Variants in RAP1B observed in about 807,000 individuals in gnomAD.
RAP1B encodes RAP1B, member of RAS oncogene family, also known as ras-related protein Rap-1b.
A neutral mutation model predicts 27.5 loss-of-function variants in RAP1B; 1 was observed. That is an observed-to-expected ratio of 0.04 (90% confidence interval 0.01 to 0.17). The LOEUF is 0.17. Among genes scored for constraint, RAP1B ranks in the 10% least tolerant of loss-of-function variants. RAP1B has a pLI of 1.00. For synonymous variants in RAP1B, 75 were observed against 73.1 expected, an observed-to-expected ratio of 1.03 and a Z score of -0.13; for missense variants, 84 against 214.8, an observed-to-expected ratio of 0.39 and a Z score of 3.81.
At position 68,634,584 on chromosome 12, in the gene RAP1B, TA is replaced by T. The variant is rs200391736; in HGVS notation, c.-26-14114del. 1.2e-3 allele frequency among the ~76,000 whole-genome samples: 176 copies of T among 147,898 alleles called. 1 individual carries two copies. The highest frequency in any genetic ancestry group is 3.8e-3 in the African/African-American group (152 of 39,980). On this transcript the variant is annotated intron_variant, in intron 1 of 7. Coordinates refer to ENST00000250559, the MANE Select transcript of RAP1B (RefSeq NM_001010942.3). ...TAAGGTGATCTTGAGCCTATATTAT[TA>T]TTTTTTTTTTTACCTGTTTTTGAAT...
rs1872288247 is a variant in RAP1B at position 68,632,129 on chromosome 12, G to GTTTTTTTTTGT, written c.-26-16561_-26-16560insGTTTTTTTTTT. Among the ~76,000 whole-genome samples, 86 of 104,364 alleles carry GTTTTTTTTTGT rather than the reference G, an allele frequency of 8.2e-4. 1 individual carries two copies. Among genetic ancestry groups the GTTTTTTTTTGT allele is most frequent in the African/African-American group, 3.6e-3 (84 of 23,318 alleles). The allele number at this position is 104,364 out of a possible 152,430, so 68.5% of individuals were successfully genotyped here. A position where few individuals can be genotyped will look rare whatever the true frequency, so the allele number is the denominator to read the frequency against. ...AAACAGTTTTTTGGGTTTTGGATTT[G>GTTTTTTTTTGT]TTTTTTTTTTTTTTTTGTTTGTTTT... is the stretch of plus-strand genomic sequence containing the variant. On this transcript the variant is annotated intron_variant, in intron 1 of 7. Coordinates refer to ENST00000250559, the MANE Select transcript of RAP1B (RefSeq NM_001010942.3).
At chr12:68,647,807 T>C (rs373772597) in intron 1 of RAP1B, among the ~76,000 whole-genome samples, 37 of 152,288 alleles carry the variant, frequency 2.4e-4, no homozygotes, top group African/African-American at 8.7e-4. Context: ...CCCTCATTAG[T>C]TGGTTAGTTT....
At chr12:68,622,550 C>T (rs1486642605) in intron 1 of RAP1B, among the ~76,000 whole-genome samples, 1 of 152,220 alleles carries the variant, frequency 6.6e-6, no homozygotes, top group African/African-American at 2.4e-5. Flanking sequence ...GCCTCAGTCT[C>T]AACAGTGGAT....
chr12:68,633,339 TTAAG>T (rs1872400602), intron 1 of RAP1B, among the ~76,000 whole-genome samples: 1 of 152,176 alleles, frequency 6.6e-6, no homozygotes, highest in Non-Finnish European at 1.5e-5. Context: ...CTGGTCTGGT[TTAAG>T]TATCCACTTA....
At chr12:68,646,241 T>C (rs1049119088) in intron 1 of RAP1B, among the ~76,000 whole-genome samples, 2 of 152,184 alleles carry the variant, frequency 1.3e-5, no homozygotes, top group Non-Finnish European at 2.9e-5. Flanking sequence ...AGTTGTGTTA[T>C]GTTTGGAGGT....
intron 1 of RAP1B, among the ~76,000 whole-genome samples, chr12:68,647,238 G>A (rs1420584047): frequency 6.6e-6 from 1 of 151,912 alleles, no homozygotes; most frequent in Non-Finnish European, 1.5e-5. Flanking sequence ...TTTTTTTGTA[G>A]AAACAGGGTT....
At chr12:68,637,599 CAAAAAAAAAAAAAA>C (rs58656248) in intron 1 of RAP1B, among the ~76,000 whole-genome samples, 70 of 34,258 alleles carry the variant, frequency 2.0e-3, no homozygotes, top group Non-Finnish European at 2.6e-3. Context: ...AACTCCATCT[CAAAAAAAAAAAAAA>C]AAAAAAAAAA....
At chr12:68,641,568 G>A (rs191463059) in intron 1 of RAP1B, among the ~76,000 whole-genome samples, 4 of 152,174 alleles carry the variant, frequency 2.6e-5, no homozygotes, top group African/African-American at 9.7e-5. Context: ...TATTTTGCAA[G>A]AAGTAAATAG....
At chr12:68,617,072 T>C (rs1256895083) in intron 1 of RAP1B, among the ~76,000 whole-genome samples, 1 of 152,196 alleles carries the variant, frequency 6.6e-6, no homozygotes, top group Admixed American at 6.5e-5. Flanking sequence ...ATTATAATTA[T>C]CTGTGTATTC....
At chr12:68,631,044 C>A (rs999923219) in intron 1 of RAP1B, among the ~76,000 whole-genome samples, 1 of 151,976 alleles carries the variant, frequency 6.6e-6, no homozygotes, top group African/African-American at 2.4e-5. Context: ...TAGGCAAATA[C>A]CCTAAGTGCT....
chr12:68,618,147 G>C (rs1871153270), intron 1 of RAP1B, among the ~76,000 whole-genome samples: 1 of 133,508 alleles, frequency 7.5e-6, no homozygotes, highest in African/African-American at 2.8e-5. Context: ...GAATGCAGTG[G>C]CACAATCTTC....
intron 1 of RAP1B, among the ~76,000 whole-genome samples, chr12:68,642,310 T>C (rs1322768929): frequency 6.6e-6 from 1 of 152,186 alleles, no homozygotes; most frequent in South Asian, 2.1e-4. Flanking sequence ...TTGTCACTTA[T>C]ACTGGAAATT....
At chr12:68,650,895 C>G (rs1384961079) in intron 3 of RAP1B, 1 of 152,428 alleles carries the variant, frequency 6.6e-6, no homozygotes, top group Non-Finnish European at 1.5e-5. Flanking sequence ...TCTGAAATAA[C>G]TGGGACCAGA....
chr12:68,625,025 T>G (rs565371066), intron 1 of RAP1B, among the ~76,000 whole-genome samples: 2 of 152,240 alleles, frequency 1.3e-5, no homozygotes, highest in Non-Finnish European at 2.9e-5. Context: ...ATTTGTTTGG[T>G]GTATATACTA....
chr12:68,635,886 AT>A (rs34324047), intron 1 of RAP1B, among the ~76,000 whole-genome samples: 2 of 60,520 alleles, frequency 3.3e-5, no homozygotes, highest in African/African-American at 1.4e-4. Context: ...TACCCATGAA[AT>A]TTTTTTTTTG....
In RAP1B at chr12:68,664,605, A is replaced by G. The variant is rs1190949535; in HGVS notation, c.*5356A>G. On this transcript the variant is annotated 3_prime_UTR_variant, in exon 8 of 8. Transcript: ENST00000250559. ...GTGCCTGTAATCCCAGCTACTCAGGAGGCTGAGGCAGGAGAATCACTTGAA... is the reference window on the plus strand; with the variant it reads ...GTGCCTGTAATCCCAGCTACTCAGGGGGCTGAGGCAGGAGAATCACTTGAA... 6.6e-6 allele frequency: 1 copy of G among 152,336 alleles called. No individual in the cohort carries two copies. The highest frequency in any genetic ancestry group is 1.5e-5 in the Non-Finnish European group (1 of 68,200). 9.4% of individuals were successfully genotyped at this position (152,336 alleles called of 1,614,324 possible). A position where few individuals can be genotyped will look rare whatever the true frequency, so the allele number is the denominator to read the frequency against.
chr12:68,631,472 ATTG>A (rs1451871808), intron 1 of RAP1B, among the ~76,000 whole-genome samples: 7 of 152,226 alleles, frequency 4.6e-5, no homozygotes, highest in South Asian at 4.1e-4. Context: ...CAAAATGTCT[ATTG>A]TTGTTGCTTA....
rs1874528601 is a variant in RAP1B at position 68,660,297 on chromosome 12, T to G, written c.*1048T>G. On this transcript the variant is annotated 3_prime_UTR_variant, in exon 8 of 8. Transcript: ENST00000250559. ...TAATTTGCAGTAACTATTGCTGTTT[T>G]ATTTAACAATGCCTTGTTGCTTTGT... 7.1e-6 allele frequency: 1 copy of G among 141,218 alleles called. No individual in the cohort carries two copies. Among genetic ancestry groups the G allele is most frequent in the South Asian group, 2.4e-4 (1 of 4,100 alleles). The allele number at this position is 141,218 out of a possible 1,614,324, so 8.7% of individuals were successfully genotyped here.
intron 1 of RAP1B, among the ~76,000 whole-genome samples, chr12:68,648,264 T>C (rs749806550): frequency 3.3e-5 from 5 of 152,250 alleles, no homozygotes; most frequent in Admixed American, 6.5e-5. Flanking sequence ...GGAATAAATA[T>C]TTGGTCTTCT....
Sources: allele counts gnomAD v4.1 joint callset (sites outside exome capture counted in the v4.1 genomes callset), GRCh38; gene constraint gnomAD v4.1.1; transcripts MANE v1.5; gene names NCBI Gene and HGNC (gene_info 2026-07-23, HGNC 2026-07-21).